Variants in EEF1E1 observed in about 807,000 individuals in gnomAD.
EEF1E1 encodes eukaryotic translation elongation factor 1 epsilon-1.
A neutral mutation model predicts 19.9 loss-of-function variants in EEF1E1; 19 were observed. That is an observed-to-expected ratio of 0.95 (90% CI 0.66 to 1.40). The LOEUF is 1.40. Among genes scored for constraint, EEF1E1 ranks in the 40% most tolerant of loss-of-function variants. The probability of loss-of-function intolerance (pLI) is 0.00; values close to 1 mark genes in which losing one functional copy is unlikely to be tolerated. For missense variants in EEF1E1, 198 were observed against 202.2 expected, an observed-to-expected ratio of 0.98 and a Z score of 0.13; for synonymous variants, 81 against 80.0, an observed-to-expected ratio of 1.01 and a Z score of -0.07.
chr6:8,093,418 C>T (rs1355908396), intron 2 of EEF1E1, among the ~76,000 whole-genome samples: 4 of 149,588 alleles, frequency 2.7e-5, no homozygotes, highest in African/African-American at 9.8e-5. Context: ...CTTTTTCCTT[C>T]CATCTATTAA....
downstream of EEF1E1, chr6:8,078,872 GAC>G: frequency 9.3e-7 from 1 of 1,076,304 alleles, no homozygotes. Context: ...AAATATGATT[GAC>G]TGCTTTGTTT....
intron 3 of EEF1E1, among the ~76,000 whole-genome samples, chr6:8,084,077 A>T (rs1000600950): frequency 6.6e-6 from 1 of 152,220 alleles, no homozygotes; most frequent in Non-Finnish European, 1.5e-5. Flanking sequence ...GGAACCCAAA[A>T]GGATGGTCAA....
chr6:8,100,172 C>G (rs917080214), intron 1 of EEF1E1, among the ~76,000 whole-genome samples: 3 of 152,194 alleles, frequency 2.0e-5, no homozygotes, highest in African/African-American at 7.2e-5. Context: ...GAAGTCTTCA[C>G]AGTTGGGCCT....
downstream of EEF1E1, among the ~76,000 whole-genome samples, chr6:8,075,613 ATCT>A (rs137916931): frequency 0.21 from 31,226 of 152,074 alleles, 3,543 homozygotes; most frequent in Non-Finnish European, 0.26. Flanking sequence ...TAGGAAGTCA[ATCT>A]TCTTGCTGGT....
downstream of EEF1E1, chr6:8,078,470 G>GA (rs943866165): frequency 4.4e-5 from 11 of 252,654 alleles, no homozygotes; most frequent in Non-Finnish European, 7.4e-5. Flanking sequence ...AGAGAGTAAT[G>GA]AAAAAAATTC....
At chr6:8,092,585 T>C (rs890577675) in intron 2 of EEF1E1, among the ~76,000 whole-genome samples, 1 of 152,086 alleles carries the variant, frequency 6.6e-6, no homozygotes, top group South Asian at 2.1e-4. Context: ...AGAATCAAAA[T>C]AAAATTTGGC....
chr6:8,083,745 C>T (rs9505356), intron 3 of EEF1E1, among the ~76,000 whole-genome samples: 70,824 of 152,038 alleles, frequency 0.47, 16,622 homozygotes, highest in Admixed American at 0.52. Context: ...TATTGAATAA[C>T]GTGAACAAAC....
At chr6:8,085,778 T>G (rs1458571240) in intron 3 of EEF1E1, among the ~76,000 whole-genome samples, 1 of 152,204 alleles carries the variant, frequency 6.6e-6, no homozygotes, top group Non-Finnish European at 1.5e-5. Context: ...ATCCAAATCT[T>G]CAGATATTTT....
chr6:8,099,765 C>T (rs988072711), intron 1 of EEF1E1, among the ~76,000 whole-genome samples: 1 of 87,636 alleles, frequency 1.1e-5, no homozygotes, highest in Non-Finnish European at 2.3e-5. Context: ...CACACACACA[C>T]ACACACACAC....
intron 1 of EEF1E1, among the ~76,000 whole-genome samples, chr6:8,099,515 G>A (rs1235417417): frequency 2.0e-5 from 3 of 152,178 alleles, no homozygotes; most frequent in Non-Finnish European, 1.5e-5. Flanking sequence ...GGGAGGCTGA[G>A]GTGGGCGGAT....
chr6:8,095,621 A>G (rs745761050), intron 2 of EEF1E1: 71 of 156,062 alleles, frequency 4.5e-4, no homozygotes, highest in Admixed American at 1.0e-3. Context: ...AAAAAGGCAT[A>G]GAAAAAACAC....
At chr6:8,099,821 C>T (rs1758292588) in intron 1 of EEF1E1, among the ~76,000 whole-genome samples, 2 of 148,886 alleles carry the variant, frequency 1.3e-5, no homozygotes, top group African/African-American at 2.5e-5. Flanking sequence ...CTATAATGTT[C>T]ACACATGATG....
intron 3 of EEF1E1, among the ~76,000 whole-genome samples, chr6:8,085,093 C>T (rs187542425): frequency 6.6e-6 from 1 of 152,140 alleles, no homozygotes; most frequent in Non-Finnish European, 1.5e-5. Flanking sequence ...ACTTTCACTA[C>T]AGAGATAAAA....
downstream of EEF1E1, among the ~76,000 whole-genome samples, chr6:8,075,567 A>T (rs1420025501): frequency 1.3e-5 from 2 of 152,172 alleles, no homozygotes; most frequent in African/African-American, 4.8e-5. Context: ...AAAAAATTTT[A>T]TTGCTAAAAA....
chr6:8,084,082 G>T (rs922360256), intron 3 of EEF1E1, among the ~76,000 whole-genome samples: 20 of 152,168 alleles, frequency 1.3e-4, no homozygotes, highest in African/African-American at 4.6e-4. Flanking sequence ...CCAAAAGGAT[G>T]GTCAACAGTG....
chr6:8,094,812 TG>T (rs1758120898), intron 2 of EEF1E1, among the ~76,000 whole-genome samples: 1 of 152,212 alleles, frequency 6.6e-6, no homozygotes, highest in Non-Finnish European at 1.5e-5. Flanking sequence ...CTACTCAATG[TG>T]AAGTGAAGAC....
At chr6:8,096,287 A>T (rs895102169) in intron 2 of EEF1E1, among the ~76,000 whole-genome samples, 7 of 152,174 alleles carry the variant, frequency 4.6e-5, no homozygotes, top group African/African-American at 1.7e-4. Flanking sequence ...CTGAAATCTC[A>T]CATTCACTTG....
intron 1 of EEF1E1, among the ~76,000 whole-genome samples, chr6:8,099,801 A>AC (rs1758291079): frequency 6.0e-5 from 9 of 148,764 alleles, no homozygotes; most frequent in East Asian, 2.0e-4. Flanking sequence ...CAAAAAAAAA[A>AC]CAGAACCCTC....
intron 3 of EEF1E1, 118 bp from the exon 4 acceptor site, chr6:8,080,148 C>T: frequency 1.8e-6 from 2 of 1,130,202 alleles, no homozygotes; most frequent in South Asian, 2.9e-5. Context: ...CCCAAGAGCT[C>T]TCAAAAGCCA....
Sources: allele counts gnomAD v4.1 joint callset (sites outside exome capture counted in the v4.1 genomes callset), GRCh38; gene constraint gnomAD v4.1.1; transcripts MANE v1.5; gene names NCBI Gene and HGNC (gene_info 2026-07-23, HGNC 2026-07-21).